TRPC5: variants seen among roughly 807,000 people sequenced by gnomAD.
TRPC5 encodes transient receptor potential cation channel subfamily C member 5.
TRPC5 carries 9 observed loss-of-function variants against 56.5 expected under a neutral mutation model. The ratio of observed to expected loss-of-function variants is 0.16; its 90% CI spans 0.10 to 0.28. TRPC5 has a LOEUF of 0.28. Among genes scored for constraint, TRPC5 ranks in the 10% least tolerant of loss-of-function variants. TRPC5 has a pLI of 1.00. For synonymous variants in TRPC5, 282 were observed against 278.5 expected (o/e 1.01, Z -0.13); for missense variants, 469 against 748.9 (o/e 0.63, Z 4.36).
intron 3 of TRPC5, among the ~76,000 whole-genome samples, chrX:111,859,371 C>T (rs960679919): frequency 2.7e-5 from 3 of 112,336 alleles, no homozygotes; most frequent in African/African-American, 9.7e-5. Flanking sequence ...TTTCAGTTTC[C>T]TATTTTTATT....
intron 1 of TRPC5, among the ~76,000 whole-genome samples, chrX:112,068,876 C>T (rs957368004): frequency 2.7e-5 from 3 of 111,491 alleles, no homozygotes; most frequent in Admixed American, 9.5e-5. Flanking sequence ...CTATAGTATT[C>T]GAAAAGTATT....
intron 1 of TRPC5, among the ~76,000 whole-genome samples, chrX:111,958,911 C>G (rs374080131): frequency 2.7e-5 from 3 of 111,970 alleles, no homozygotes; most frequent in East Asian, 5.6e-4. Flanking sequence ...AGATGATAAG[C>G]GCTAAAAGAA....
At chrX:111,959,609 A>G (rs992842281) in intron 1 of TRPC5, among the ~76,000 whole-genome samples, 5 of 111,972 alleles carry the variant, frequency 4.5e-5, no homozygotes, top group South Asian at 3.8e-4. Context: ...ATCATGTCAC[A>G]TTTGGATATG....
At chrX:111,837,089 T>G (rs1470891244) in intron 6 of TRPC5, among the ~76,000 whole-genome samples, 2 of 112,213 alleles carry the variant, frequency 1.8e-5, no homozygotes, top group African/African-American at 6.5e-5. Context: ...TTTTGTTTGG[T>G]GAAAGTAAAT....
At chrX:111,930,565 A>T (rs2148628002) in intron 2 of TRPC5, among the ~76,000 whole-genome samples, 1 of 110,960 alleles carries the variant, frequency 9.0e-6, no homozygotes, top group South Asian at 3.9e-4. Context: ...TGCACCGCTG[A>T]ACTCCAGCCT....
At chrX:111,971,723 C>T (rs1480364095) in intron 1 of TRPC5, among the ~76,000 whole-genome samples, 1 of 111,797 alleles carries the variant, frequency 8.9e-6, no homozygotes, top group Non-Finnish European at 1.9e-5. Context: ...CAGGGTCTCT[C>T]TATTGCCTGT....
At chrX:112,062,093 T>C (rs1930472545) in intron 1 of TRPC5, among the ~76,000 whole-genome samples, 1 of 112,099 alleles carries the variant, frequency 8.9e-6, no homozygotes, top group East Asian at 2.8e-4. Context: ...TTAATTGTAT[T>C]GGCTCCAAGA....
intron 2 of TRPC5, among the ~76,000 whole-genome samples, chrX:111,933,123 A>T (rs1290326765): frequency 1.8e-5 from 2 of 112,119 alleles, no homozygotes; most frequent in Non-Finnish European, 3.8e-5. Context: ...TGTAGCATAC[A>T]TTTCCTTGTA....
intron 2 of TRPC5, among the ~76,000 whole-genome samples, chrX:111,943,922 CGA>C (rs1569528407): frequency 8.9e-6 from 1 of 112,231 alleles, no homozygotes; most frequent in Non-Finnish European, 1.9e-5. Flanking sequence ...CCATACCATA[CGA>C]CATGCTAAGT....
At chrX:111,902,054 G>A in intron 3 of TRPC5, 1 of 1,155,389 alleles carries the variant, frequency 8.7e-7, no homozygotes, top group Non-Finnish European at 1.1e-6. Context: ...TGATCTCTCA[G>A]ACTTAGACTC....
At chrX:112,028,664 C>G (rs1293549468) in intron 1 of TRPC5, among the ~76,000 whole-genome samples, 4 of 112,321 alleles carry the variant, frequency 3.6e-5, no homozygotes, top group East Asian at 2.8e-4. Flanking sequence ...TTTTCTTAAT[C>G]CAGTCTAACA....
At chrX:111,934,078 G>A (rs1293448606) in intron 2 of TRPC5, among the ~76,000 whole-genome samples, 1 of 110,058 alleles carries the variant, frequency 9.1e-6, no homozygotes, top group Non-Finnish European at 1.9e-5. Flanking sequence ...GCTTTAGGTT[G>A]TCTCTTCACT....
At chrX:111,784,204 A>T (rs908871478) in intron 7 of TRPC5, among the ~76,000 whole-genome samples, 1 of 112,178 alleles carries the variant, frequency 8.9e-6, no homozygotes, top group Non-Finnish European at 1.9e-5. Flanking sequence ...CTAATAGGAA[A>T]GCATAGGAGT....
chrX:111,772,799 A>G lies in TRPC5; in HGVS notation c.*3514T>C, dbSNP rs1945850817. Among the ~76,000 whole-genome samples, 1 of 111,125 alleles carries G rather than the reference A, an allele frequency of 9.0e-6. No individual in the cohort carries two copies. The highest frequency in any genetic ancestry group is 2.8e-4 in the East Asian group (1 of 3,513). ...ATCTTCAAGTACTTTTTACCTGATG[A>G]TTTAACAAACCAAGGTCTGGGGCAC... On this transcript the variant is annotated 3_prime_UTR_variant, in exon 11 of 11. Coordinates refer to ENST00000262839, the MANE Select transcript of TRPC5 (RefSeq NM_012471.3).
chrX:111,909,596 G>A (rs1309011356), intron 3 of TRPC5, among the ~76,000 whole-genome samples: 2 of 110,796 alleles, frequency 1.8e-5, no homozygotes, highest in Non-Finnish European at 3.8e-5. Context: ...CCACTTCAAT[G>A]TACACAGGAA....
At position 111,847,311 on chromosome X, in the gene TRPC5, G is replaced by A; in HGVS notation, c.1503C>T (p.Ser501=). The change falls in exon 6 of 11, where the codon TCC becomes TCT. Residue 501 remains serine (S), a synonymous_variant. Coordinates refer to ENST00000262839, the MANE Select transcript of TRPC5 (RefSeq NM_012471.3). Reference sequence around the variant, plus strand: ...AAGAGATCTGCAGAGGTCCTAAGTGGGAGTTGGCTGTGAACAGGGATATGA... The same window carrying A: ...AAGAGATCTGCAGAGGTCCTAAGTGAGAGTTGGCTGTGAACAGGGATATGA... The part of the protein sequence containing the change: ...LRLISLFTAN[S]HLGPLQISLG... 1 of 1,211,364 alleles carries A rather than the reference G, an allele frequency of 8.3e-7. No individual in the cohort carries two copies. Among genetic ancestry groups the A allele is most frequent in the Non-Finnish European group, 1.1e-6 (1 of 895,481 alleles).
chrX:111,948,440 A>C (rs773667820), intron 2 of TRPC5, among the ~76,000 whole-genome samples: 1 of 111,861 alleles, frequency 8.9e-6, no homozygotes, highest in Non-Finnish European at 1.9e-5. Context: ...GCTTAGAAAA[A>C]TGGAAAGGCT....
At position 112,067,194 on chromosome X, in the gene TRPC5, T is replaced by TG. The variant is rs746418455; in HGVS notation, c.-22+14684dup. Among the ~76,000 whole-genome samples the TG allele has an allele frequency of 8.0e-5, 9 of 111,994 alleles. No individual in the cohort carries two copies. In the South Asian group the frequency reaches 1.1e-3, roughly 14 times the overall value. On this transcript the variant is annotated intron_variant, in intron 1 of 10. Transcript: ENST00000262839. ...TGCCTGCTTTCATCACAGAAGACTT[T>TG]GGGGGGTCCCTGGAACTTGTAGGTA... is the stretch of plus-strand genomic sequence containing the variant.
chrX:111,831,184 T>C (rs888718337), intron 7 of TRPC5, among the ~76,000 whole-genome samples: 15 of 112,486 alleles, frequency 1.3e-4, no homozygotes, highest in African/African-American at 4.2e-4. Context: ...TCGGGAGGTC[T>C]GGGTATGTCA....
Sources: gnomAD v4.1 joint callset for allele counts (sites outside exome capture counted in the v4.1 genomes callset) on GRCh38, gnomAD v4.1.1 for gene constraint, MANE v1.5 for transcripts, NCBI Gene and HGNC (gene_info 2026-07-23, HGNC 2026-07-21) for gene names.